Variants in PTPRS observed in about 807,000 individuals in gnomAD.
The protein encoded by PTPRS is protein tyrosine phosphatase receptor type S, also known as receptor-type tyrosine-protein phosphatase S.
PTPRS carries 63 observed loss-of-function variants against 215.3 expected under a neutral mutation model. That is an observed-to-expected ratio of 0.29 (90% CI 0.24 to 0.36). The LOEUF (loss-of-function observed/expected upper bound fraction) is 0.36. PTPRS is among the 10% of genes least tolerant of loss of function. PTPRS has a pLI of 1.00. For synonymous variants in PTPRS, 1,404 were observed against 1,191.4 expected, an observed-to-expected ratio of 1.18 and a Z score of -3.68; for missense variants, 2,258 against 2,825.8, an observed-to-expected ratio of 0.80 and a Z score of 4.56.
At chr19:5,315,553 T>C (rs538520843) in intron 1 of PTPRS, among the ~76,000 whole-genome samples, 1 of 151,714 alleles carries the variant, frequency 6.6e-6, no homozygotes, top group Non-Finnish European at 1.5e-5. Flanking sequence ...TTTTCAGAGA[T>C]GGGGTCTTGC....
intron 11 of PTPRS, among the ~76,000 whole-genome samples, chr19:5,240,883 C>T (rs1308610603): frequency 7.5e-6 from 1 of 134,158 alleles, no homozygotes; most frequent in African/African-American, 2.9e-5. Flanking sequence ...AATAAAAATC[C>T]CCTTCATTTT....
intron 4 of PTPRS, among the ~76,000 whole-genome samples, chr19:5,272,637 A>AAAAAAAAAAAAAAAAAAAAAAAAG (rs2047018885): frequency 7.5e-6 from 1 of 133,880 alleles, no homozygotes; most frequent in Admixed American, 8.0e-5. Context: ...AAAAAAAAAA[A>AAAAAAAAAAAAAAAAAAAAAAAAG]GAATTGCACC....
chr19:5,253,516 G>T (rs1447117270), intron 9 of PTPRS, among the ~76,000 whole-genome samples: 2 of 152,148 alleles, frequency 1.3e-5, no homozygotes, highest in African/African-American at 4.8e-5. Context: ...ATGGGCCTTT[G>T]TTGTCCCTTT....
chr19:5,240,453 A>C, intron 11 of PTPRS, 121 bp from the exon 12 acceptor site: 1 of 1,055,122 alleles, frequency 9.5e-7, no homozygotes. Context: ...ATGTTCTTTT[A>C]TTTTCCTGGG....
At chr19:5,208,797 T>C (rs890924667) in intron 35 of PTPRS, among the ~76,000 whole-genome samples, 1 of 152,158 alleles carries the variant, frequency 6.6e-6, no homozygotes, top group Non-Finnish European at 1.5e-5. Context: ...CCACATTTCC[T>C]GTATGACATC....
Position 5,218,775 on chromosome 19 carries a change from G to A in PTPRS, c.3935+12C>T. ...TTGCCTGAAGCCTCCACGGGGGAGG[G>A]CTGGTTCTTACCTGTCGGGTTTGCT... On this transcript the variant is annotated intron_variant, in intron 24 of 37. Coordinates refer to ENST00000262963, the MANE Select transcript of PTPRS (RefSeq NM_002850.4). The A allele has an allele frequency of 6.2e-7, 1 of 1,611,930 alleles. No homozygotes were observed. The highest frequency in any genetic ancestry group is 8.5e-7 in the Non-Finnish European group (1 of 1,178,972).
At position 5,312,076 on chromosome 19, in the gene PTPRS, A is replaced by G. The variant is rs192481299; in HGVS notation, c.-94-25842T>C. Among the ~76,000 whole-genome samples, 521 of 151,998 alleles carry G rather than the reference A, an allele frequency of 3.4e-3. 1 individual carries two copies. Among genetic ancestry groups the G allele is most frequent in the African/African-American group, 0.012 (496 of 41,474 alleles). ...AAAAAGAAAGAAATACGCATCCCACATGACATCTCCTGGTTGTGCGTGAGG... is the reference window on the plus strand; with the variant it reads ...AAAAAGAAAGAAATACGCATCCCACGTGACATCTCCTGGTTGTGCGTGAGG... On this transcript the variant is annotated intron_variant, in intron 1 of 37. Transcript: ENST00000262963.
At chr19:5,243,210 T>C (rs1173237258) in intron 11 of PTPRS, among the ~76,000 whole-genome samples, 9 of 151,804 alleles carry the variant, frequency 5.9e-5, no homozygotes, top group South Asian at 4.2e-4. Context: ...TCTTGGCTCA[T>C]TGCAAACTCT....
At chr19:5,263,753 C>T (rs891612859) in intron 5 of PTPRS, among the ~76,000 whole-genome samples, 82 of 152,368 alleles carry the variant, frequency 5.4e-4, no homozygotes, top group African/African-American at 1.9e-3. Context: ...GAGGCGCGTG[C>T]GCGGATCACT....
At chr19:5,275,049 C>T (rs938082837) in intron 2 of PTPRS, among the ~76,000 whole-genome samples, 3 of 146,462 alleles carry the variant, frequency 2.0e-5, no homozygotes, top group Non-Finnish European at 4.5e-5. Flanking sequence ...AGAGGCAGTG[C>T]CATCCTGATC....
chr19:5,228,076 G>A lies in PTPRS; in HGVS notation c.2376+1240C>T, dbSNP rs10409932. 1.7e-3 allele frequency among the ~76,000 whole-genome samples: 259 copies of A among 152,116 alleles called. 1 individual carries two copies. Among genetic ancestry groups the A allele is most frequent in the African/African-American group, 6.0e-3 (248 of 41,516 alleles). ...AGTCCATCCCTCCCAGGGTCTCTGC[G>A]AGAAGAGCAGAGTTGAAGCCCAGGT... On this transcript the variant is annotated intron_variant, in intron 16 of 37. Transcript: ENST00000262963.
At chr19:5,218,688 G>A (rs747660750) in intron 24 of PTPRS, 99 bp downstream of exon 24, 92 of 1,538,348 alleles carry the variant, frequency 6.0e-5, no homozygotes, top group Non-Finnish European at 7.6e-5. Flanking sequence ...CAAGCTGTGG[G>A]GGCAGCCGGG....
chr19:5,231,284 G>C (rs372447914), intron 14 of PTPRS, 26 bp downstream of exon 14: 2 of 1,577,324 alleles, frequency 1.3e-6, no homozygotes, highest in Admixed American at 1.7e-5. Context: ...CCTGCGGGGG[G>C]TCCCGGGCCT....
At chr19:5,214,228 T>C in intron 30 of PTPRS, 133 bp downstream of exon 30, 1 of 1,282,274 alleles carries the variant, frequency 7.8e-7, no homozygotes, top group South Asian at 1.4e-5. Context: ...CATGAGAATG[T>C]AGTCAGCCTG....
At chr19:5,248,612 C>A (rs1334382042) in intron 9 of PTPRS, among the ~76,000 whole-genome samples, 4 of 152,182 alleles carry the variant, frequency 2.6e-5, no homozygotes, top group Non-Finnish European at 5.9e-5. Flanking sequence ...CGACTCAAGT[C>A]TCTCTCTCTA....
rs779614562 is a variant in PTPRS at position 5,212,004 on chromosome 19, C to A, written c.5016G>T (p.Glu1672Asp). 2 of 1,612,820 alleles carry A rather than the reference C, an allele frequency of 1.2e-6. No individual in the cohort carries two copies. Among genetic ancestry groups the A allele is most frequent in the Non-Finnish European group, 1.7e-6 (2 of 1,179,644 alleles). ...CCATGCCAGTGACGTGTTCGCCAGG[C>A]TCCACCTGGGCCAGCTTCTGGATGT... is the stretch of plus-strand genomic sequence containing the variant. ...YAYIQKLAQV[E>D]PGEHVTGMEL... is the part of the protein sequence containing the mutation. The change falls in exon 32 of 38, where the codon GAG becomes GAT. Residue 1672 changes from glutamate (E) to aspartate (D), a missense_variant. By Grantham distance (45) the Glu-to-Asp change is conservative (BLOSUM62 2). This residue lies in a region of PTPRS where 927 missense variants were observed against 1,125.9 expected (regional missense o/e 0.82). Transcript: ENST00000262963.
rs773316652 is a variant in PTPRS at position 5,245,951 on chromosome 19, C to A, written c.813G>T (p.Ser271=). The A allele has an allele frequency of 2.5e-5, 41 of 1,611,362 alleles. No homozygotes were observed. The South Asian group carries it at 4.3e-4, about 17-fold the overall frequency. ...NVNITCVAVG[S]PMPYVKWMQG... ...GCATCCACTTCACGTATGGCATGGG[C>A]GAGCCCACGGCCACGCAGGTGATGT... The change falls in exon 10 of 38, where the codon TCG becomes TCT. Residue 271 remains serine, a synonymous_variant. Coordinates refer to ENST00000262963, the MANE Select transcript of PTPRS (RefSeq NM_002850.4).
chr19:5,276,185 TCA>T (rs1240192531), intron 2 of PTPRS, among the ~76,000 whole-genome samples: 1 of 152,194 alleles, frequency 6.6e-6, no homozygotes, highest in African/African-American at 2.4e-5. Flanking sequence ...ATGTATTCAT[TCA>T]GTCTCTGCAA....
intron 1 of PTPRS, among the ~76,000 whole-genome samples, chr19:5,329,026 C>T (rs962588692): frequency 4.6e-5 from 7 of 152,022 alleles, no homozygotes; most frequent in Admixed American, 2.0e-4. Flanking sequence ...TCTGGAGGGG[C>T]GGGTGAGGTG....
Sources: allele counts gnomAD v4.1 joint callset (sites outside exome capture counted in the v4.1 genomes callset), GRCh38; gene constraint gnomAD v4.1.1; regional missense constraint gnomAD v4.1.1; transcripts MANE v1.5; gene names NCBI Gene and HGNC (gene_info 2026-07-23, HGNC 2026-07-21).